CSMD1: variants seen among roughly 807,000 people sequenced by gnomAD.
The protein encoded by CSMD1 is CUB and sushi domain-containing protein 1.
CSMD1 carries 213 observed loss-of-function variants against 417.5 expected under a neutral mutation model. That is an observed-to-expected ratio of 0.51 (90% CI 0.46 to 0.57). The LOEUF (loss-of-function observed/expected upper bound fraction) is 0.57. Ranked by LOEUF, CSMD1 falls within the 20% of genes least tolerant of loss-of-function variation. The pLI, the probability that CSMD1 is intolerant of heterozygous loss-of-function variation, is 0.00. For missense variants in CSMD1, 6,923 were observed against 4,529.7 expected, an observed-to-expected ratio of 1.53 and a Z score of -15.17; for synonymous variants, 2,862 against 1,736.8, an observed-to-expected ratio of 1.65 and a Z score of -16.11.
chr8:4,560,397 C>T (rs1798276134), intron 2 of CSMD1, among the ~76,000 whole-genome samples: 2 of 152,186 alleles, frequency 1.3e-5, no homozygotes, highest in South Asian at 2.1e-4. Flanking sequence ...CTAGTCCTTG[C>T]CTTTTCCTAC....
At chr8:3,661,709 C>CTA (rs1798427462) in intron 7 of CSMD1, among the ~76,000 whole-genome samples, 1 of 152,104 alleles carries the variant, frequency 6.6e-6, no homozygotes, top group Non-Finnish European at 1.5e-5. Context: ...GTTGGTCAGG[C>CTA]TAGTCTCGAA....
intron 1 of CSMD1, among the ~76,000 whole-genome samples, chr8:4,819,459 G>T (rs1799396812): frequency 6.6e-6 from 1 of 152,070 alleles, no homozygotes; most frequent in African/African-American, 2.4e-5. Flanking sequence ...AAATATTATT[G>T]CCAAATTGAC....
chr8:3,430,169 G>C (rs1336278081), intron 12 of CSMD1, among the ~76,000 whole-genome samples: 1 of 151,732 alleles, frequency 6.6e-6, no homozygotes, highest in Non-Finnish European at 1.5e-5. Context: ...AACTATACTG[G>C]GAATTCTAAT....
chr8:4,460,982 TTTC>T (rs1278503063), intron 2 of CSMD1, among the ~76,000 whole-genome samples: 3 of 152,158 alleles, frequency 2.0e-5, no homozygotes, highest in Non-Finnish European at 4.4e-5. Flanking sequence ...CAGACTAGTA[TTTC>T]TTAAGAATAT....
At chr8:4,980,734 C>A (rs1187006066) in intron 1 of CSMD1, among the ~76,000 whole-genome samples, 2 of 152,028 alleles carry the variant, frequency 1.3e-5, no homozygotes, top group African/African-American at 4.8e-5. Flanking sequence ...AAGACCCTGT[C>A]TCTGCAAAAA....
intron 3 of CSMD1, among the ~76,000 whole-genome samples, chr8:4,288,898 C>G (rs968243835): frequency 6.6e-6 from 1 of 152,148 alleles, no homozygotes; most frequent in African/African-American, 2.4e-5. Flanking sequence ...TACTTAACAA[C>G]TACTTTTAAA....
chr8:4,476,366 CAATTTTGGCTTTACATTTTGG>C (rs1405295154), intron 2 of CSMD1, among the ~76,000 whole-genome samples: 1 of 152,076 alleles, frequency 6.6e-6, no homozygotes, highest in Non-Finnish European at 1.5e-5. Context: ...GTATTCAGCA[CAATTTTGGCTTTACATTTTGG>C]AATTTTGGTA....
chr8:2,993,456 G>C (rs996751463), intron 54 of CSMD1, among the ~76,000 whole-genome samples: 2 of 152,160 alleles, frequency 1.3e-5, no homozygotes, highest in Non-Finnish European at 2.9e-5. Context: ...AGGAGTGTCA[G>C]GGCACTGAGG....
At chr8:3,318,835 C>A (rs1805958085) in intron 23 of CSMD1, among the ~76,000 whole-genome samples, 1 of 152,154 alleles carries the variant, frequency 6.6e-6, no homozygotes. Context: ...AATGCAGCTG[C>A]TTCCAAAGGA....
intron 3 of CSMD1, among the ~76,000 whole-genome samples, chr8:4,165,051 C>T (rs777717378): frequency 5.9e-5 from 9 of 152,104 alleles, no homozygotes; most frequent in Admixed American, 3.3e-4. Flanking sequence ...TTGGTAGAGG[C>T]TGTGTAGACA....
At chr8:3,825,608 A>C (rs1315195506) in intron 5 of CSMD1, among the ~76,000 whole-genome samples, 3 of 152,132 alleles carry the variant, frequency 2.0e-5, no homozygotes, top group African/African-American at 7.2e-5. Context: ...TTAATAGAAG[A>C]GTACAGTTGG....
At chr8:4,619,938 T>A (rs1019240578) in intron 2 of CSMD1, among the ~76,000 whole-genome samples, 1 of 152,036 alleles carries the variant, frequency 6.6e-6, no homozygotes, top group African/African-American at 2.4e-5. Flanking sequence ...TAATAATACA[T>A]TTATATTTAT....
At chr8:4,157,619 G>C (rs895631517) in intron 3 of CSMD1, among the ~76,000 whole-genome samples, 2 of 152,188 alleles carry the variant, frequency 1.3e-5, no homozygotes, top group Non-Finnish European at 2.9e-5. Flanking sequence ...CTTTCACGCA[G>C]AGTTGATTTT....
At chr8:3,641,302 G>A (rs375919601) in intron 7 of CSMD1, among the ~76,000 whole-genome samples, 2 of 152,050 alleles carry the variant, frequency 1.3e-5, no homozygotes, top group African/African-American at 4.8e-5. Flanking sequence ...TCCTGTGCAG[G>A]TGGAGAACGG....
At chr8:3,831,672 A>C (rs1802385396) in intron 5 of CSMD1, among the ~76,000 whole-genome samples, 1 of 152,168 alleles carries the variant, frequency 6.6e-6, no homozygotes, top group Non-Finnish European at 1.5e-5. Context: ...TAAAATCTTT[A>C]CCGGCAAAGG....
chr8:4,835,779 G>C (rs1181813442), intron 1 of CSMD1, among the ~76,000 whole-genome samples: 1 of 151,476 alleles, frequency 6.6e-6, no homozygotes, highest in Non-Finnish European at 1.5e-5. Context: ...CTGCAAAAGT[G>C]AGTAATTCTC....
intron 1 of CSMD1, among the ~76,000 whole-genome samples, chr8:4,906,865 T>C (rs1805316650): frequency 6.6e-6 from 1 of 152,212 alleles, no homozygotes; most frequent in Non-Finnish European, 1.5e-5. Context: ...GCCTTGAGTT[T>C]CTTTTTTCAA....
chr8:4,409,745 C>A (rs1460938742), intron 3 of CSMD1, among the ~76,000 whole-genome samples: 1 of 150,784 alleles, frequency 6.6e-6, no homozygotes, highest in Non-Finnish European at 1.5e-5. Context: ...GGAACATTAG[C>A]ACAGGGCATA....
chr8:3,377,265 G>A (rs187292), intron 18 of CSMD1, among the ~76,000 whole-genome samples: 1 of 152,144 alleles, frequency 6.6e-6, no homozygotes, highest in African/African-American at 2.4e-5. Context: ...ATCTACCTCA[G>A]CCTCCCAATG....
Sources: allele counts gnomAD v4.1 joint callset (sites outside exome capture counted in the v4.1 genomes callset), GRCh38; gene constraint gnomAD v4.1.1; transcripts MANE v1.5; gene names NCBI Gene and HGNC (gene_info 2026-07-23, HGNC 2026-07-21).